LRFN5: variants seen among roughly 807,000 people sequenced by gnomAD.
LRFN5 encodes leucine rich repeat and fibronectin type III domain containing 5.
In LRFN5, 24 loss-of-function variants were observed where a neutral mutation model predicts 45.6. The observed-to-expected ratio is 0.53, with a 90% confidence interval of 0.38 to 0.74. LRFN5 has a LOEUF of 0.74. LRFN5 is among the 30% of genes least tolerant of loss of function. LRFN5 has a pLI of 0.00. For synonymous variants in LRFN5, 340 were observed against 313.8 expected (o/e 1.08, Z -0.88); for missense variants, 776 against 861.5 (o/e 0.90, Z 1.24).
chr14:41,804,533 G>A (rs1483980398), intron 2 of LRFN5, among the ~76,000 whole-genome samples: 1 of 152,144 alleles, frequency 6.6e-6, no homozygotes, highest in Non-Finnish European at 1.5e-5. Context: ...GCAGAATTCA[G>A]CCTCCTCTCA....
chr14:41,697,233 T>C (rs1418199898), intron 1 of LRFN5, among the ~76,000 whole-genome samples: 1 of 151,984 alleles, frequency 6.6e-6, no homozygotes, highest in East Asian at 1.9e-4. Flanking sequence ...AGGAAGATTT[T>C]TCTATCCTTG....
chr14:41,752,607 G>A (rs573797280), intron 1 of LRFN5, among the ~76,000 whole-genome samples: 1 of 152,162 alleles, frequency 6.6e-6, no homozygotes, highest in African/African-American at 2.4e-5. Flanking sequence ...ATTTTGATGG[G>A]GTTGTTTGTT....
chr14:41,864,614 A>T (rs565985414), intron 2 of LRFN5, among the ~76,000 whole-genome samples: 8 of 152,310 alleles, frequency 5.3e-5, no homozygotes, highest in African/African-American at 1.9e-4. Context: ...TTATCACCAA[A>T]TAAGGTCACA....
intron 1 of LRFN5, among the ~76,000 whole-genome samples, chr14:41,763,880 AG>A (rs1193695994): frequency 6.6e-6 from 1 of 152,188 alleles, no homozygotes; most frequent in Non-Finnish European, 1.5e-5. Context: ...TAATTGTTAG[AG>A]GGAGAACTAT....
chr14:41,732,782 AC>A (rs142002716), intron 1 of LRFN5, among the ~76,000 whole-genome samples: 3,620 of 134,196 alleles, frequency 0.027, 52 homozygotes, highest in Non-Finnish European at 0.038. Flanking sequence ...GATCTACTAG[AC>A]AAAAAAAAAA....
chr14:41,731,576 C>G (rs1884178683), intron 1 of LRFN5, among the ~76,000 whole-genome samples: 1 of 152,086 alleles, frequency 6.6e-6, no homozygotes, highest in Admixed American at 6.6e-5. Context: ...TCAGATAGAT[C>G]TGTATGGAGT....
intron 2 of LRFN5, among the ~76,000 whole-genome samples, chr14:41,787,744 C>T (rs1399436195): frequency 6.6e-6 from 1 of 151,408 alleles, no homozygotes; most frequent in Non-Finnish European, 1.5e-5. Context: ...GTATTTTCTC[C>T]TTGTAGTTTT....
chr14:41,723,574 C>G (rs557104251), intron 1 of LRFN5, among the ~76,000 whole-genome samples: 1 of 152,202 alleles, frequency 6.6e-6, no homozygotes, highest in African/African-American at 2.4e-5. Context: ...CCCTGCTGCA[C>G]CAGGATCTCT....
chr14:41,737,186 G>T (rs1172790044), intron 1 of LRFN5, among the ~76,000 whole-genome samples: 1 of 152,112 alleles, frequency 6.6e-6, no homozygotes. Context: ...GGCATGCAAG[G>T]CTGGTTCAAT....
At chr14:41,638,262 G>A (rs1294875335) in intron 1 of LRFN5, among the ~76,000 whole-genome samples, 1 of 151,884 alleles carries the variant, frequency 6.6e-6, no homozygotes, top group Admixed American at 6.6e-5. Flanking sequence ...GATATAACTT[G>A]TTCCTCCTAA....
At chr14:41,630,148 C>T (rs1012721047) in intron 1 of LRFN5, among the ~76,000 whole-genome samples, 13 of 152,006 alleles carry the variant, frequency 8.6e-5, no homozygotes, top group African/African-American at 3.1e-4. Context: ...TTTTCTCTGA[C>T]CCTGTTAATG....
chr14:41,759,891 G>A (rs545883433), intron 1 of LRFN5, among the ~76,000 whole-genome samples: 4 of 152,284 alleles, frequency 2.6e-5, no homozygotes, highest in East Asian at 1.9e-4. Flanking sequence ...CTGTTCACAC[G>A]TAAGTCCGCC....
intron 1 of LRFN5, among the ~76,000 whole-genome samples, chr14:41,644,768 C>T (rs1879734594): frequency 6.6e-6 from 1 of 152,148 alleles, no homozygotes; most frequent in Non-Finnish European, 1.5e-5. Context: ...TAGTTTAATT[C>T]TCAGATGCTG....
intron 3 of LRFN5, among the ~76,000 whole-genome samples, chr14:41,888,339 C>T (rs1474125920): frequency 6.6e-6 from 1 of 152,098 alleles, no homozygotes; most frequent in African/African-American, 2.4e-5. Context: ...GTGTTCTTTC[C>T]TTCAAGGAAG....
At chr14:41,804,685 G>C (rs954181784) in intron 2 of LRFN5, among the ~76,000 whole-genome samples, 1 of 152,084 alleles carries the variant, frequency 6.6e-6, no homozygotes, top group Non-Finnish European at 1.5e-5. Flanking sequence ...GAATTTTAGA[G>C]GTTAAAGGCA....
At chr14:41,837,134 G>A (rs1432814690) in intron 2 of LRFN5, among the ~76,000 whole-genome samples, 1 of 144,970 alleles carries the variant, frequency 6.9e-6, no homozygotes, top group Non-Finnish European at 1.5e-5. Flanking sequence ...CCAAATCAGC[G>A]GACTGAGAAG....
chr14:41,646,659 T>C (rs550731505), intron 1 of LRFN5, among the ~76,000 whole-genome samples: 1 of 152,374 alleles, frequency 6.6e-6, no homozygotes, highest in East Asian at 1.9e-4. Flanking sequence ...TTTTTGATTT[T>C]ATGTTAGTAT....
At chr14:41,712,244 G>C (rs1883314061) in intron 1 of LRFN5, among the ~76,000 whole-genome samples, 1 of 152,034 alleles carries the variant, frequency 6.6e-6, no homozygotes. Context: ...TAAAAACTCT[G>C]TAAGATTTAT....
At chr14:41,892,801 C>T (rs1890827823) in intron 4 of LRFN5, 2 of 985,150 alleles carry the variant, frequency 2.0e-6, no homozygotes, top group African/African-American at 1.7e-5. Flanking sequence ...TTTATGAAAA[C>T]TCTAATCAGT....
Sources: gnomAD v4.1 joint callset for allele counts (sites outside exome capture counted in the v4.1 genomes callset) on GRCh38, gnomAD v4.1.1 for gene constraint, MANE v1.5 for transcripts, NCBI Gene and HGNC (gene_info 2026-07-23, HGNC 2026-07-21) for gene names.